Variants in ZNF451 observed in about 807,000 individuals in gnomAD.
ZNF451 encodes zinc finger protein 451, also known as E3 SUMO-protein ligase ZNF451.
Under a neutral mutation model 107.1 loss-of-function variants are expected in ZNF451, and 80 were observed. The observed-to-expected ratio is 0.75, with a 90% CI of 0.62 to 0.90. The LOEUF is 0.90. Among genes scored for constraint, ZNF451 ranks in the 40% least tolerant of loss-of-function variants. ZNF451 has a pLI of 0.00. For synonymous variants in ZNF451, 362 were observed against 406.5 expected (o/e 0.89, Z 1.32); for missense variants, 1,107 against 1,236.2 (o/e 0.90, Z 1.57).
chr6:57,160,208 A>G (rs1218471989), intron 13 of ZNF451, among the ~76,000 whole-genome samples: 1 of 152,158 alleles, frequency 6.6e-6, no homozygotes, highest in East Asian at 1.9e-4. Flanking sequence ...CATTTGTCAT[A>G]ATTCACGGAA....
At chr6:57,106,293 T>A (rs1429827317) in intron 3 of ZNF451, 33 of 964,748 alleles carry the variant, frequency 3.4e-5, no homozygotes, top group Non-Finnish European at 4.1e-5. Context: ...GTTTAAAGAT[T>A]GCAATAAGTG....
chr6:57,106,346 G>A (rs1286651618), intron 3 of ZNF451: 8 of 905,130 alleles, frequency 8.8e-6, no homozygotes, highest in Admixed American at 1.3e-4. Context: ...TTTCGCTCTT[G>A]TTGCCCAGGC....
intron 2 of ZNF451, among the ~76,000 whole-genome samples, chr6:57,098,643 T>C (rs1829439956): frequency 1.3e-5 from 2 of 152,194 alleles, no homozygotes; most frequent in African/African-American, 4.8e-5. Flanking sequence ...AGAATTCAGG[T>C]TTGATGCTTG....
intron 3 of ZNF451, chr6:57,101,115 TGAAGAA>T (rs767758157): frequency 1.4e-4 from 216 of 1,550,686 alleles, no homozygotes; most frequent in Admixed American, 6.3e-4. Flanking sequence ...TATCCACAGT[TGAAGAA>T]GAAACTGATT....
chr6:57,148,401 C>T lies in ZNF451; in HGVS notation c.2316C>T (p.Ile772=), dbSNP rs1462570755. The T allele has an allele frequency of 1.2e-6, 2 of 1,613,790 alleles. No homozygotes were observed. The highest frequency in any genetic ancestry group is 2.2e-5 in the East Asian group (1 of 44,844). ...AQNLTDMNTH[I]HQVHKEKSDE... ...ATTTAACCGACATGAACACTCATAT[C>T]CATCAAGTGCACAAAGAAAAGAGTG... Residue 772 remains isoleucine (I), a synonymous_variant, in exon 10 of 15, where the codon ATC becomes ATT. Coordinates refer to ENST00000370706, the MANE Select transcript of ZNF451 (RefSeq NM_001031623.3).
chr6:57,119,241 G>A (rs1830517561), intron 3 of ZNF451, among the ~76,000 whole-genome samples: 1 of 152,168 alleles, frequency 6.6e-6, no homozygotes, highest in South Asian at 2.1e-4. Context: ...AAAAGCCAGG[G>A]AAGGCCGGGG....
At chr6:57,146,866 A>G (rs181485392) in intron 9 of ZNF451, among the ~76,000 whole-genome samples, 5 of 152,270 alleles carry the variant, frequency 3.3e-5, no homozygotes, top group Admixed American at 1.3e-4. Context: ...TTTTGAATCT[A>G]GTTTTAGCCT....
intron 10 of ZNF451, among the ~76,000 whole-genome samples, chr6:57,149,819 G>A (rs1035184067): frequency 2.0e-5 from 3 of 149,924 alleles, no homozygotes; most frequent in South Asian, 2.1e-4. Context: ...TTTCTTTTGC[G>A]CTTCTGTTTA....
At chr6:57,101,045 C>T in intron 3 of ZNF451, 2 of 1,550,486 alleles carry the variant, frequency 1.3e-6, no homozygotes, top group Non-Finnish European at 1.7e-6. Flanking sequence ...TTTCATCATT[C>T]TAGGCCAAGT....
At chr6:57,144,123 A>G (rs1419886497) in intron 9 of ZNF451, among the ~76,000 whole-genome samples, 2 of 152,088 alleles carry the variant, frequency 1.3e-5, no homozygotes, top group Admixed American at 6.6e-5. Flanking sequence ...GACATAACAC[A>G]ATGTTCTAAA....
chr6:57,144,390 G>A (rs1178799278), intron 9 of ZNF451, among the ~76,000 whole-genome samples: 1 of 151,616 alleles, frequency 6.6e-6, no homozygotes, highest in Non-Finnish European at 1.5e-5. Flanking sequence ...ATAGGTGTGT[G>A]CCACCATACC....
At chr6:57,099,930 T>C (rs545210519) in intron 3 of ZNF451, among the ~76,000 whole-genome samples, 2 of 152,366 alleles carry the variant, frequency 1.3e-5, no homozygotes, top group East Asian at 3.9e-4. Context: ...CTTTACTCTT[T>C]ACAAATTCTG....
intron 3 of ZNF451, chr6:57,101,613 G>C (rs1411852806): frequency 1.3e-6 from 2 of 1,550,818 alleles, no homozygotes; most frequent in Admixed American, 2.0e-5. Flanking sequence ...CTCAATATCA[G>C]CGTAAACTCT....
At chr6:57,102,204 A>T (rs1255472472) in intron 3 of ZNF451, 10 of 1,424,424 alleles carry the variant, frequency 7.0e-6, no homozygotes, top group Non-Finnish European at 9.1e-6. Context: ...CAAAAACTGG[A>T]TGCATGTCTG....
At chr6:57,106,940 A>G (rs954941210) in intron 3 of ZNF451, 2 of 928,254 alleles carry the variant, frequency 2.2e-6, no homozygotes, top group Non-Finnish European at 2.6e-6. Context: ...AACCATTAAA[A>G]TATTATTTTA....
At chr6:57,124,305 T>C in intron 3 of ZNF451, 2 of 648,000 alleles carry the variant, frequency 3.1e-6, no homozygotes, top group Admixed American at 4.9e-5. Flanking sequence ...AGTTTTTAAC[T>C]CTCAGGCTCG....
intron 5 of ZNF451, among the ~76,000 whole-genome samples, chr6:57,131,677 C>A (rs1417583043): frequency 3.3e-5 from 5 of 152,012 alleles, no homozygotes; most frequent in East Asian, 1.9e-4. Context: ...TCATATATAA[C>A]CATTTTGGGA....
intron 2 of ZNF451, among the ~76,000 whole-genome samples, chr6:57,095,642 A>G (rs1403361358): frequency 6.6e-6 from 1 of 151,888 alleles, no homozygotes; most frequent in Admixed American, 6.6e-5. Context: ...TGGATTTTCT[A>G]TCCATATTTT....
intron 13 of ZNF451, chr6:57,159,318 A>G (rs1004313934): frequency 1.0e-5 from 10 of 985,242 alleles, no homozygotes; most frequent in African/African-American, 1.7e-5. Context: ...GCATGCAATG[A>G]TGAATTGTTT....
Sources: gnomAD v4.1 joint callset for allele counts (sites outside exome capture counted in the v4.1 genomes callset) on GRCh38, gnomAD v4.1.1 for gene constraint, MANE v1.5 for transcripts, NCBI Gene and HGNC (gene_info 2026-07-23, HGNC 2026-07-21) for gene names.